Variants in RBMS3 observed in about 807,000 individuals in gnomAD.
RBMS3 encodes RNA-binding motif, single-stranded-interacting protein 3.
A neutral mutation model predicts 66.8 loss-of-function variants in RBMS3; 27 were observed. The ratio of observed to expected loss-of-function variants is 0.40; its 90% CI spans 0.30 to 0.56. The LOEUF is 0.56. Among genes scored for constraint, RBMS3 ranks in the 20% least tolerant of loss-of-function variants. RBMS3 has a pLI of 0.40. For synonymous variants in RBMS3, 188 were observed against 183.0 expected (o/e 1.03, Z -0.22); for missense variants, 513 against 549.5 (o/e 0.93, Z 0.66).
intron 1 of RBMS3, among the ~76,000 whole-genome samples, chr3:29,360,643 G>A (rs1271096864): frequency 2.6e-5 from 4 of 151,988 alleles, no homozygotes; most frequent in Non-Finnish European, 5.9e-5. Flanking sequence ...TGTTGACAGT[G>A]GAGTGTTAAA....
chr3:29,558,005 G>A (rs1009942054), intron 3 of RBMS3, among the ~76,000 whole-genome samples: 4 of 152,102 alleles, frequency 2.6e-5, no homozygotes, highest in African/African-American at 7.2e-5. Flanking sequence ...GAGATAAAGG[G>A]ACAACAGGAT....
At chr3:29,641,390 G>A (rs1351761680) in intron 4 of RBMS3, among the ~76,000 whole-genome samples, 1 of 151,936 alleles carries the variant, frequency 6.6e-6, no homozygotes, top group Non-Finnish European at 1.5e-5. Flanking sequence ...ATCCTTATAA[G>A]TAAATATCTC....
chr3:29,632,887 G>A (rs1440527), intron 4 of RBMS3, among the ~76,000 whole-genome samples: 34,136 of 151,678 alleles, frequency 0.23, 4,062 homozygotes, highest in Middle Eastern at 0.31. Flanking sequence ...GTTTCTACTG[G>A]CACTTTTTAA....
At chr3:29,764,611 C>T (rs1444443103) in intron 6 of RBMS3, among the ~76,000 whole-genome samples, 1 of 151,966 alleles carries the variant, frequency 6.6e-6, no homozygotes, top group Non-Finnish European at 1.5e-5. Flanking sequence ...TAGCACAAGT[C>T]TCAATTTTTT....
At chr3:29,371,391 A>G (rs1324099002) in intron 1 of RBMS3, among the ~76,000 whole-genome samples, 1 of 152,194 alleles carries the variant, frequency 6.6e-6, no homozygotes, top group Non-Finnish European at 1.5e-5. Flanking sequence ...CATGTACTTG[A>G]TGGTCCAGAC....
At chr3:29,701,946 G>T (rs549965543) in intron 4 of RBMS3, among the ~76,000 whole-genome samples, 217 of 152,288 alleles carry the variant, frequency 1.4e-3, no homozygotes, top group African/African-American at 5.1e-3. Context: ...GGGACTGGTG[G>T]GCAGCTCTGC....
intron 12 of RBMS3, among the ~76,000 whole-genome samples, chr3:29,948,720 A>G (rs1695484055): frequency 1.3e-5 from 2 of 151,818 alleles, no homozygotes; most frequent in Admixed American, 1.3e-4. Context: ...CCGTGCATTT[A>G]TGTTGACTAC....
intron 14 of RBMS3, 151 bp downstream of exon 14, chr3:29,991,360 A>G: frequency 7.4e-7 from 1 of 1,351,672 alleles, no homozygotes; most frequent in South Asian, 1.5e-5. Context: ...TGGGTTTGAA[A>G]TTTGGGCTAA....
At chr3:29,773,762 C>T (rs764622637) in intron 6 of RBMS3, among the ~76,000 whole-genome samples, 1 of 152,094 alleles carries the variant, frequency 6.6e-6, no homozygotes, top group Non-Finnish European at 1.5e-5. Flanking sequence ...CCATTCGGGG[C>T]CATCCATAAA....
At chr3:29,898,736 CGTGT>C (rs3072651) in intron 9 of RBMS3, among the ~76,000 whole-genome samples, 2,710 of 142,588 alleles carry the variant, frequency 0.019, 78 homozygotes, top group Admixed American at 0.072. Flanking sequence ...TTGTAATGTG[CGTGT>C]GTGTGTGTGT....
At chr3:29,484,460 T>C (rs1395692971) in intron 2 of RBMS3, among the ~76,000 whole-genome samples, 1 of 152,224 alleles carries the variant, frequency 6.6e-6, no homozygotes, top group African/African-American at 2.4e-5. Flanking sequence ...ACAATCATAT[T>C]GGATTCGGGC....
intron 2 of RBMS3, among the ~76,000 whole-genome samples, chr3:29,482,335 T>C (rs1464939160): frequency 1.3e-5 from 2 of 152,214 alleles, no homozygotes; most frequent in Non-Finnish European, 2.9e-5. Context: ...CTTTTGATTT[T>C]AGAACTTGAA....
chr3:29,941,436 G>A (rs1013915967), intron 11 of RBMS3, among the ~76,000 whole-genome samples: 2 of 151,840 alleles, frequency 1.3e-5, no homozygotes, highest in East Asian at 3.9e-4. Context: ...AAATGGTAAT[G>A]GGTACATCTA....
chr3:29,648,796 A>G (rs2050039611), intron 4 of RBMS3, among the ~76,000 whole-genome samples: 1 of 152,144 alleles, frequency 6.6e-6, no homozygotes, highest in Non-Finnish European at 1.5e-5. Context: ...ACATTAACAA[A>G]CTTGAAAAAG....
chr3:29,935,967 T>G (rs2061255351), intron 10 of RBMS3, 119 bp from the exon 11 acceptor site: 5 of 836,178 alleles, frequency 6.0e-6, no homozygotes, highest in Non-Finnish European at 9.2e-6. Flanking sequence ...AATTTAGCCT[T>G]TTTAGTAAAA....
At chr3:29,331,483 T>C (rs1278650409) in intron 1 of RBMS3, among the ~76,000 whole-genome samples, 2 of 152,178 alleles carry the variant, frequency 1.3e-5, no homozygotes, top group Non-Finnish European at 1.5e-5. Context: ...ATTTCCCTTC[T>C]CTGTCTTGTT....
intron 1 of RBMS3, among the ~76,000 whole-genome samples, chr3:29,408,451 A>T (rs1366769367): frequency 6.6e-6 from 1 of 152,018 alleles, no homozygotes; most frequent in African/African-American, 2.4e-5. Context: ...TACCATAAGC[A>T]CTATAAAAGT....
At chr3:29,351,680 T>C (rs2036923135) in intron 1 of RBMS3, among the ~76,000 whole-genome samples, 1 of 152,036 alleles carries the variant, frequency 6.6e-6, no homozygotes, top group South Asian at 2.1e-4. Flanking sequence ...GCATTTTGAT[T>C]TTGCTTATGA....
intron 6 of RBMS3, among the ~76,000 whole-genome samples, chr3:29,782,797 A>AG (rs1340656296): frequency 3.3e-5 from 5 of 152,290 alleles, no homozygotes; most frequent in Non-Finnish European, 7.4e-5. Context: ...ACAGGATATG[A>AG]AAGAAAATTC....
Sources: allele counts gnomAD v4.1 joint callset (sites outside exome capture counted in the v4.1 genomes callset), GRCh38; gene constraint gnomAD v4.1.1; transcripts MANE v1.5; gene names NCBI Gene and HGNC (gene_info 2026-07-23, HGNC 2026-07-21).